Variants in RASSF3 observed in about 807,000 individuals in gnomAD.
RASSF3 encodes the protein Ras association domain family member 3, also known as ras association domain-containing protein 3.
In RASSF3, 19 loss-of-function variants were observed where a neutral mutation model predicts 19.9. That is an observed-to-expected ratio of 0.96 (90% CI 0.67 to 1.40). RASSF3 has a LOEUF of 1.40. Ranked by LOEUF, RASSF3 falls within the 40% of genes most tolerant of loss-of-function variation. The pLI is 0.00. For synonymous variants in RASSF3, 110 were observed against 104.2 expected, an observed-to-expected ratio of 1.06 and a Z score of -0.34; for missense variants, 306 against 289.8, an observed-to-expected ratio of 1.06 and a Z score of -0.41.
intron 2 of RASSF3, among the ~76,000 whole-genome samples, chr12:64,576,332 G>A (rs976683112): frequency 7.2e-5 from 11 of 152,056 alleles, no homozygotes; most frequent in Non-Finnish European, 1.5e-4. Flanking sequence ...AATATCTATG[G>A]AAGGAAGGAA....
chr12:64,697,319 A>G lies in RASSF3; in HGVS notation c.*2407A>G, dbSNP rs367730972. The G allele has an allele frequency of 6.6e-6, 1 of 152,214 alleles. No individual in the cohort carries two copies. Among genetic ancestry groups the G allele is most frequent in the African/African-American group, 2.4e-5 (1 of 41,464 alleles). 9.4% of individuals were successfully genotyped at this position (152,214 alleles called of 1,614,324 possible). On this transcript the variant is annotated 3_prime_UTR_variant, in exon 5 of 5. Transcript: ENST00000542104. The stretch of plus-strand genomic sequence containing the variant: ...AAGATTTTTTAAGAATCATTGTACA[A>G]ATCATTATGTTAAACTATCTAAGCT...
intron 2 of RASSF3, among the ~76,000 whole-genome samples, chr12:64,581,430 A>T (rs2136135389): frequency 6.6e-6 from 1 of 152,324 alleles, no homozygotes; most frequent in East Asian, 1.9e-4. Context: ...ACAACTTGAA[A>T]GTAGTCATGC....
chr12:64,612,215 C>T (rs901348541), intron 1 of RASSF3, among the ~76,000 whole-genome samples: 2 of 152,132 alleles, frequency 1.3e-5, no homozygotes, highest in African/African-American at 4.8e-5. Context: ...CTTTCTTGGC[C>T]TCTCTCTTCC....
Position 64,631,026 on chromosome 12 carries a change from CAG to C in RASSF3, c.111+20290_111+20291del, listed in dbSNP as rs545923260. Among the ~76,000 whole-genome samples, 28 of 152,238 alleles carry C rather than the reference CAG, an allele frequency of 1.8e-4. No individual in the cohort carries two copies. The East Asian group carries it at 5.2e-3, about 28-fold the overall frequency. Reference sequence around the variant, plus strand: ...TTATCAAGAAGGTAGACCTGGTCTGCAGAGAGAGCTTCAGGATTCGTTGAAGT... The same window carrying C: ...TTATCAAGAAGGTAGACCTGGTCTGCAGAGAGCTTCAGGATTCGTTGAAGT... On this transcript the variant is annotated intron_variant, in intron 1 of 4. Coordinates refer to ENST00000542104, the MANE Select transcript of RASSF3 (RefSeq NM_178169.4).
At chr12:64,540,279 G>C (rs980723230) in intron 1 of RASSF3, among the ~76,000 whole-genome samples, 1 of 152,182 alleles carries the variant, frequency 6.6e-6, no homozygotes, top group African/African-American at 2.4e-5. Context: ...CTCTTGATGA[G>C]AGAAATCTAT....
intron 2 of RASSF3, among the ~76,000 whole-genome samples, chr12:64,602,731 A>G (rs149233607): frequency 4.6e-5 from 7 of 152,270 alleles, no homozygotes; most frequent in African/African-American, 1.2e-4. Flanking sequence ...AAAAATGAAA[A>G]AAAGAAAGAA....
At chr12:64,646,250 T>G (rs114093624) in intron 1 of RASSF3, among the ~76,000 whole-genome samples, 4 of 152,318 alleles carry the variant, frequency 2.6e-5, no homozygotes, top group African/African-American at 9.6e-5. Flanking sequence ...ATTACTGCAT[T>G]GTAGAGTAGG....
At chr12:64,526,692 T>C (rs1868595099) in intron 1 of RASSF3, among the ~76,000 whole-genome samples, 1 of 152,192 alleles carries the variant, frequency 6.6e-6, no homozygotes, top group Non-Finnish European at 1.5e-5. Flanking sequence ...TATAGGCACA[T>C]GCCACGTTGC....
In RASSF3 at chr12:64,610,816, C is replaced by A. The variant is rs187757150; in HGVS notation, c.111+73C>A. ...GGAACCCGCCAGCCCGCGCCCCCTGCCTCCACGTGTCTCTGCGGGGCGCTC... is the reference window on the plus strand; with the variant it reads ...GGAACCCGCCAGCCCGCGCCCCCTGACTCCACGTGTCTCTGCGGGGCGCTC... On this transcript the variant is annotated intron_variant, in intron 1 of 4. Transcript: ENST00000542104. The A allele has an allele frequency of 2.4e-3, 2,151 of 910,658 alleles. 35 individuals carry two copies. In the African/African-American group the frequency reaches 0.034, roughly 14 times the overall value. The allele number at this position is 910,658 out of a possible 1,614,324, so 56.4% of individuals were successfully genotyped here.
chr12:64,649,200 TTTC>T (rs1371246437), intron 1 of RASSF3, among the ~76,000 whole-genome samples: 3 of 151,204 alleles, frequency 2.0e-5, no homozygotes, highest in African/African-American at 7.3e-5. Flanking sequence ...GGTTTTTTTT[TTTC>T]TTTTTTTGGG....
upstream of RASSF3, among the ~76,000 whole-genome samples, chr12:64,532,125 C>A (rs542374722): frequency 3.3e-5 from 5 of 152,314 alleles, no homozygotes; most frequent in East Asian, 9.6e-4. Flanking sequence ...TGGGAGAGAG[C>A]GCTTCGAAAG....
chr12:64,663,450 T>G (rs1872438146), intron 1 of RASSF3, among the ~76,000 whole-genome samples: 1 of 152,000 alleles, frequency 6.6e-6, no homozygotes, highest in Middle Eastern at 3.2e-3. Flanking sequence ...AGTGACAAAA[T>G]TTGAGTTTGG....
chr12:64,548,645 A>G (rs1041797012), intron 2 of RASSF3, among the ~76,000 whole-genome samples: 6 of 152,326 alleles, frequency 3.9e-5, no homozygotes, highest in African/African-American at 1.2e-4. Context: ...CCCTTAATAC[A>G]TACTGCCAAC....
intron 2 of RASSF3, among the ~76,000 whole-genome samples, chr12:64,602,244 C>T (rs571623013): frequency 5.0e-4 from 76 of 150,952 alleles, no homozygotes; most frequent in African/African-American, 1.8e-3. Flanking sequence ...TGAGACTAGC[C>T]TGGGAAACAT....
intron 2 of RASSF3, among the ~76,000 whole-genome samples, chr12:64,687,784 G>T (rs1873415818): frequency 6.6e-6 from 1 of 152,098 alleles, no homozygotes; most frequent in Non-Finnish European, 1.5e-5. Flanking sequence ...CCTTCCTTTT[G>T]TGTATAATAG....
chr12:64,601,695 C>T (rs887237820), intron 2 of RASSF3, among the ~76,000 whole-genome samples: 1 of 151,992 alleles, frequency 6.6e-6, no homozygotes, highest in Non-Finnish European at 1.5e-5. Context: ...TGCCTGTAGT[C>T]CCAGCTACTC....
intron 4 of RASSF3, among the ~76,000 whole-genome samples, chr12:64,692,651 C>T (rs1192830168): frequency 3.3e-5 from 5 of 152,176 alleles, no homozygotes; most frequent in Non-Finnish European, 7.3e-5. Flanking sequence ...TTAGCATAGT[C>T]TACTCAGTGT....
rs556599554 is a variant in RASSF3 at position 64,582,244 on chromosome 12, C to T, written c.294+40539C>T. Among the ~76,000 whole-genome samples, 26 of 152,286 alleles carry T rather than the reference C, an allele frequency of 1.7e-4. No individual in the cohort carries two copies. In the South Asian group the frequency reaches 2.9e-3, roughly 17 times the overall value. ...ATTAGGGTCTATTGTAAAATCATAACGCTTTCCCTTGTAGATCTTTCAGCC... is the reference window on the plus strand; with the variant it reads ...ATTAGGGTCTATTGTAAAATCATAATGCTTTCCCTTGTAGATCTTTCAGCC... On this transcript the variant is annotated intron_variant, in intron 2 of 5. Coordinates refer to the RASSF3 transcript ENST00000637125.
In RASSF3 at chr12:64,688,259, A is replaced by G. The variant is rs142471210; in HGVS notation, c.263A>G (p.Glu88Gly). ...IYTGFIKVQMELCKPPQTSPN... is the reference protein window; with the variant it reads ...IYTGFIKVQMGLCKPPQTSPN... ...ACTGGCTTCATTAAAGTACAGATGG[A>G]ACTCTGCAAACCTCCACAGACTTCT... is the stretch of plus-strand genomic sequence containing the variant. Residue 88 changes from glutamate to glycine, a missense_variant, in exon 3 of 5, where the codon GAA becomes GGA. Transcript: ENST00000542104. 77 of 1,614,038 alleles carry G rather than the reference A, an allele frequency of 4.8e-5. No individual in the cohort carries two copies. The highest frequency in any genetic ancestry group is 5.9e-5 in the Non-Finnish European group (70 of 1,179,994).
Sources: allele counts gnomAD v4.1 joint callset (sites outside exome capture counted in the v4.1 genomes callset), GRCh38; gene constraint gnomAD v4.1.1; transcripts MANE v1.5; gene names NCBI Gene and HGNC (gene_info 2026-07-23, HGNC 2026-07-21).